PPA2: variants seen among roughly 807,000 people sequenced by gnomAD.
PPA2 encodes the protein inorganic pyrophosphatase 2, mitochondrial.
A neutral mutation model predicts 49.5 loss-of-function variants in PPA2; 48 were observed. That is an observed-to-expected ratio of 0.97 (90% CI 0.77 to 1.23). The LOEUF (loss-of-function observed/expected upper bound fraction) is 1.23. PPA2 is among the 50% of genes most tolerant of loss of function. PPA2 has a pLI of 0.00. For synonymous variants in PPA2, 131 were observed against 139.9 expected (o/e 0.94, Z 0.45); for missense variants, 429 against 410.1 (o/e 1.05, Z -0.40).
At chr4:105,402,825 T>C (rs905760634) in intron 7 of PPA2, among the ~76,000 whole-genome samples, 1 of 152,050 alleles carries the variant, frequency 6.6e-6, no homozygotes, top group Non-Finnish European at 1.5e-5. Flanking sequence ...TAGACAAACG[T>C]AGTTGTATGG....
chr4:105,404,326 C>T (rs192819203), intron 7 of PPA2, among the ~76,000 whole-genome samples: 91 of 151,892 alleles, frequency 6.0e-4, no homozygotes, highest in African/African-American at 2.1e-3. Context: ...CCCCCAATCC[C>T]CTGATTTTTT....
At chr4:105,456,617 A>G in intron 2 of PPA2, 64 bp downstream of exon 2, 1 of 1,359,642 alleles carries the variant, frequency 7.4e-7, no homozygotes, top group South Asian at 1.3e-5. Flanking sequence ...GGTGCTTCCA[A>G]AAAGCATCTA....
chr4:105,464,416 C>CCTTCTACCTTGT (rs1723216378), intron 1 of PPA2, among the ~76,000 whole-genome samples: 2 of 152,150 alleles, frequency 1.3e-5, no homozygotes, highest in South Asian at 4.1e-4. Flanking sequence ...AAGGGACTTG[C>CCTTCTACCTTGT]CTTGTCTCAG....
In PPA2 at chr4:105,453,593, T is replaced by C; in HGVS notation, c.267+5A>G. On this transcript the variant is annotated splice_donor_5th_base_variant and intron_variant, in intron 3 of 11. Transcript: ENST00000341695. Reference sequence around the variant, plus strand: ...ATTCACAAAAATAAAAACCTTTGGATATACCTCATATTCATCATTTCGTGC... The same window carrying C: ...ATTCACAAAAATAAAAACCTTTGGACATACCTCATATTCATCATTTCGTGC... The C allele has an allele frequency of 6.3e-7, 1 of 1,596,738 alleles. No individual in the cohort carries two copies. Among genetic ancestry groups the C allele is most frequent in the Non-Finnish European group, 8.5e-7 (1 of 1,169,898 alleles).
intron 3 of PPA2, among the ~76,000 whole-genome samples, chr4:105,453,237 C>T (rs1378287900): frequency 6.6e-6 from 1 of 152,098 alleles, no homozygotes; most frequent in Non-Finnish European, 1.5e-5. Context: ...CTTCCCAGGG[C>T]CTCGGGGGAG....
At chr4:105,457,878 C>T (rs1722933433) in intron 1 of PPA2, among the ~76,000 whole-genome samples, 1 of 152,122 alleles carries the variant, frequency 6.6e-6, no homozygotes, top group Non-Finnish European at 1.5e-5. Flanking sequence ...ATTTTGGTTT[C>T]AAAATGCCAT....
In PPA2 at chr4:105,452,857, T is replaced by C. The variant is rs1028333103; in HGVS notation, c.267+741A>G. 2.0e-5 allele frequency among the ~76,000 whole-genome samples: 3 copies of C among 152,232 alleles called. No individual in the cohort carries two copies. In the South Asian group the frequency reaches 6.2e-4, roughly 32 times the overall value. Reference sequence around the variant, plus strand: ...TAAAGGTTTGACAGCCACATATATTTGTTTAGATATATTTAGAATATATAT... The same window carrying C: ...TAAAGGTTTGACAGCCACATATATTCGTTTAGATATATTTAGAATATATAT... On this transcript the variant is annotated intron_variant, in intron 3 of 11. Transcript: ENST00000341695.
At chr4:105,415,213 G>A (rs1194678490) in intron 7 of PPA2, among the ~76,000 whole-genome samples, 1 of 152,186 alleles carries the variant, frequency 6.6e-6, no homozygotes, top group Non-Finnish European at 1.5e-5. Flanking sequence ...TTAAGGTGGG[G>A]CTTCACTGTG....
At chr4:105,429,760 G>A (rs141449869) in intron 6 of PPA2, among the ~76,000 whole-genome samples, 1 of 152,254 alleles carries the variant, frequency 6.6e-6, no homozygotes, top group African/African-American at 2.4e-5. Flanking sequence ...AAAGAGACCT[G>A]AGAATCCTTT....
chr4:105,376,428 C>T (rs1733254451), intron 10 of PPA2, among the ~76,000 whole-genome samples: 1 of 152,172 alleles, frequency 6.6e-6, no homozygotes, highest in Non-Finnish European at 1.5e-5. Flanking sequence ...GACTTTTTTA[C>T]TTCAAAACAC....
intron 1 of PPA2, chr4:105,473,636 G>T: frequency 1.4e-6 from 1 of 717,818 alleles, no homozygotes. Flanking sequence ...GGCACAGGGC[G>T]CTATCTACCC....
chr4:105,373,425 G>A (rs1018598166), intron 10 of PPA2, among the ~76,000 whole-genome samples: 3 of 151,838 alleles, frequency 2.0e-5, no homozygotes, highest in Non-Finnish European at 4.4e-5. Flanking sequence ...ATGCCTATTT[G>A]TGTCCTGCAC....
intron 7 of PPA2, among the ~76,000 whole-genome samples, chr4:105,415,112 C>T (rs1196878582): frequency 6.6e-6 from 1 of 152,130 alleles, no homozygotes; most frequent in Non-Finnish European, 1.5e-5. Context: ...CATGGTTAGG[C>T]CCAGAAAACG....
At chr4:105,377,742 C>T (rs1733315794) in intron 10 of PPA2, among the ~76,000 whole-genome samples, 1 of 152,020 alleles carries the variant, frequency 6.6e-6, no homozygotes, top group Non-Finnish European at 1.5e-5. Flanking sequence ...ATCTGGTCTG[C>T]ATCATTATAC....
chr4:105,444,484 T>C (rs2110298507), intron 5 of PPA2, among the ~76,000 whole-genome samples: 1 of 152,292 alleles, frequency 6.6e-6, no homozygotes, highest in Admixed American at 6.5e-5. Context: ...GGGTGAATAA[T>C]GAATTAAGGG....
intron 5 of PPA2, among the ~76,000 whole-genome samples, chr4:105,440,284 CAG>C (rs554228367): frequency 1.2e-4 from 18 of 151,386 alleles, no homozygotes; most frequent in Non-Finnish European, 2.4e-4. Flanking sequence ...TTTTTTCAGA[CAG>C]AGTCTCCCTC....
intron 1 of PPA2, among the ~76,000 whole-genome samples, chr4:105,467,830 G>A (rs1723369251): frequency 1.3e-5 from 2 of 152,168 alleles, no homozygotes; most frequent in African/African-American, 4.8e-5. Context: ...AAACAAGTTC[G>A]GTGAGGGTGG....
At chr4:105,370,508 T>C in intron 11 of PPA2, 1 of 715,724 alleles carries the variant, frequency 1.4e-6, no homozygotes, top group Non-Finnish European at 1.7e-6. Context: ...AAGATAAATA[T>C]CTAAATGTAA....
intron 1 of PPA2, among the ~76,000 whole-genome samples, chr4:105,466,899 G>A (rs1461997253): frequency 5.9e-5 from 9 of 152,048 alleles, no homozygotes; most frequent in African/African-American, 1.7e-4. Context: ...CTTACCAGTC[G>A]AATGTCCCTA....
Sources: gnomAD v4.1 joint callset for allele counts (sites outside exome capture counted in the v4.1 genomes callset) on GRCh38, gnomAD v4.1.1 for gene constraint, MANE v1.5 for transcripts, NCBI Gene and HGNC (gene_info 2026-07-23, HGNC 2026-07-21) for gene names.